HOXC6: variants seen among roughly 807,000 people sequenced by gnomAD.
HOXC6 encodes homeobox C6, also known as homeobox protein Hox-C6.
A neutral mutation model predicts 24.0 loss-of-function variants in HOXC6; 10 were observed. The ratio of observed to expected loss-of-function variants is 0.42; its 90% CI spans 0.26 to 0.71. HOXC6 has a LOEUF of 0.71. Ranked by LOEUF, HOXC6 falls within the 30% of genes least tolerant of loss-of-function variation. HOXC6 has a pLI of 0.28. For synonymous variants in HOXC6, 123 were observed against 128.1 expected (o/e 0.96, Z 0.27); for missense variants, 258 against 303.4 (o/e 0.85, Z 1.11).
At chr12:54,025,225 C>G (rs562162039), upstream of HOXC6, among the ~76,000 whole-genome samples, 34 of 152,282 alleles carry the variant, frequency 2.2e-4, no homozygotes, top group African/African-American at 7.2e-4. Flanking sequence ...AATAAAACAT[C>G]TGTTCTTGCT....
upstream of HOXC6, among the ~76,000 whole-genome samples, chr12:54,027,400 A>G (rs1940769169): frequency 6.6e-6 from 1 of 152,230 alleles, no homozygotes; most frequent in Admixed American, 6.5e-5. Context: ...TTGAGCCTGC[A>G]GGAAGCTAAC....
chr12:54,028,429 G>A, upstream of HOXC6: 2 of 1,381,602 alleles, frequency 1.4e-6, no homozygotes, highest in Admixed American at 2.1e-5. Flanking sequence ...TCCTGGATTG[G>A]AGCCGTCCCT....
At chr12:54,022,184 C>G (rs577158938) in intron 1 of HOXC6, 1 of 152,276 alleles carries the variant, frequency 6.6e-6, no homozygotes, top group African/African-American at 2.4e-5. Context: ...CCCCACTACC[C>G]CACTCCTTTC....
intron 1 of HOXC6, chr12:54,021,593 G>A (rs751464347): frequency 6.6e-6 from 1 of 152,270 alleles, no homozygotes; most frequent in Non-Finnish European, 1.5e-5. Flanking sequence ...AGGTGATCGG[G>A]TTCCTCCCAA....
upstream of HOXC6, among the ~76,000 whole-genome samples, chr12:54,025,084 C>A (rs928054473): frequency 6.6e-6 from 1 of 152,336 alleles, no homozygotes; most frequent in Admixed American, 6.5e-5. Flanking sequence ...AGCAAGGAGA[C>A]CTGCAAGCCT....
chr12:54,017,645 T>C (rs554585896), intron 1 of HOXC6, among the ~76,000 whole-genome samples: 38 of 151,718 alleles, frequency 2.5e-4, no homozygotes, highest in Non-Finnish European at 4.7e-4. Context: ...GTGTGCCAAG[T>C]TGGGGGTGGG....
rs200139629 is a variant in HOXC6, at chr12:54,028,571, G to T, written c.50G>T (p.Gly17Val). Residue 17 changes from glycine to valine, a missense_variant, in exon 1 of 2, where the codon GGC (glycine) becomes GTC (valine). Transcript: ENST00000243108. ...NPSLSCHLAG[G>V]QDVLPNVALN... ...TCCTTATCCTGCCACCTCGCCGGGG[G>T]CCAGGACGTCCTCCCCAACGTCGCC... 1 of 1,613,942 alleles carries T rather than the reference G, an allele frequency of 6.2e-7. No homozygotes were observed. The highest frequency in any genetic ancestry group is 1.3e-5 in the African/African-American group (1 of 74,880).
upstream of HOXC6, among the ~76,000 whole-genome samples, chr12:54,027,399 C>A (rs1391581154): frequency 1.3e-5 from 2 of 152,322 alleles, no homozygotes; most frequent in Admixed American, 1.3e-4. Flanking sequence ...CTTGAGCCTG[C>A]AGGAAGCTAA....
At chr12:54,025,136 G>C (rs754133), upstream of HOXC6, among the ~76,000 whole-genome samples, 1 of 151,926 alleles carries the variant, frequency 6.6e-6, no homozygotes, top group East Asian at 1.9e-4. Flanking sequence ...CTTTAGGCTC[G>C]TTTTATAGAA....
At chr12:54,029,185 GGA>G (rs1013650194) in intron 1 of HOXC6, among the ~76,000 whole-genome samples, 1 of 152,202 alleles carries the variant, frequency 6.6e-6, no homozygotes, top group Non-Finnish European at 1.5e-5. Flanking sequence ...ATGAGGGGAG[GGA>G]GCAGAAGATA....
intron 1 of HOXC6, 73 bp downstream of exon 1, chr12:54,028,994 G>T: frequency 6.9e-7 from 1 of 1,443,888 alleles, no homozygotes; most frequent in South Asian, 1.3e-5. Context: ...CTAGAAGAAC[G>T]GGCGGAGAGA....
At chr12:54,020,761 T>C (rs1276033931) in intron 1 of HOXC6, 1 of 152,188 alleles carries the variant, frequency 6.6e-6, no homozygotes, top group East Asian at 1.9e-4. Context: ...GCTGGAAATA[T>C]GTGCTCACTG....
Position 54,028,541 on chromosome 12 carries a change from A to G in HOXC6, c.20A>G (p.Asn7Ser). 2 of 1,613,810 alleles carry G rather than the reference A, an allele frequency of 1.2e-6. No homozygotes were observed. Among genetic ancestry groups the G allele is most frequent in the Non-Finnish European group, 1.7e-6 (2 of 1,179,950 alleles). The change falls in exon 1 of 2, where the codon AAC (asparagine) becomes AGC (serine). Residue 7 changes from asparagine to serine, a missense_variant. Transcript: ENST00000243108. The part of the protein sequence containing the change: MNSYFT[N>S]PSLSCHLAGG... ...AAAGGGATGAATTCCTACTTCACTA[A>G]CCCTTCCTTATCCTGCCACCTCGCC...
rs552181831 is a variant in HOXC6, at chr12:54,029,797, C to G, written c.543C>G (p.Thr181=). ...RIEIANALCL[T]ERQIKIWFQN... The stretch of plus-strand genomic sequence containing the variant: ...AGATCGCCAACGCGCTTTGCCTGAC[C>G]GAGCGACAGATCAAAATCTGGTTCC... Residue 181 remains threonine (T), a synonymous_variant, in exon 2 of 2, where the codon ACC becomes ACG. Coordinates refer to ENST00000243108, the MANE Select transcript of HOXC6 (RefSeq NM_004503.4). 5 of 1,613,998 alleles carry G rather than the reference C, an allele frequency of 3.1e-6. No individual in the cohort carries two copies. The African/African-American group carries it at 5.3e-5, about 17-fold the overall frequency.
chr12:54,028,359 T>A, upstream of HOXC6: 1 of 679,792 alleles, frequency 1.5e-6, no homozygotes, highest in Non-Finnish European at 2.4e-6. Context: ...TTTTCCCCCT[T>A]CCTGACATCT....
At chr12:54,027,561 C>T (rs985856791), upstream of HOXC6, among the ~76,000 whole-genome samples, 5 of 152,202 alleles carry the variant, frequency 3.3e-5, no homozygotes, top group Non-Finnish European at 7.3e-5. Context: ...CGTTCTTCCT[C>T]TCTCTCTCTT....
intron 1 of HOXC6, among the ~76,000 whole-genome samples, chr12:54,018,060 A>G (rs1940240255): frequency 6.6e-6 from 1 of 152,038 alleles, no homozygotes; most frequent in Non-Finnish European, 1.5e-5. Context: ...GGTGCGCGTC[A>G]GCCGAGAGGA....
At chr12:54,027,656 C>G (rs1940783478), upstream of HOXC6, among the ~76,000 whole-genome samples, 1 of 152,084 alleles carries the variant, frequency 6.6e-6, no homozygotes, top group Non-Finnish European at 1.5e-5. Flanking sequence ...TATACATTTT[C>G]CCTTTTAGGC....
chr12:54,023,193 C>G (rs769025067), intron 1 of HOXC6, among the ~76,000 whole-genome samples: 45 of 152,254 alleles, frequency 3.0e-4, no homozygotes, highest in Non-Finnish European at 4.4e-4. Flanking sequence ...CACCAGCCCC[C>G]AAAAAGCCAG....
Sources: gnomAD v4.1 joint callset for allele counts (sites outside exome capture counted in the v4.1 genomes callset) on GRCh38, gnomAD v4.1.1 for gene constraint, MANE v1.5 for transcripts, NCBI Gene and HGNC (gene_info 2026-07-23, HGNC 2026-07-21) for gene names.